The following ZNF892 variants were observed in gnomAD, a reference collection of about 807,000 sequenced individuals.
The protein encoded by ZNF892 is zinc finger protein 892, also known as zinc finger protein 570-like.
chr2:95,227,901 A>G, the ZNF892 span, among the ~76,000 whole-genome samples: 1 of 152,170 alleles, frequency 6.6e-6, no homozygotes, highest in Non-Finnish European at 1.5e-5. Flanking sequence ...TTCTATGAGC[A>G]AGTACATTCT....
At chr2:95,248,524 C>A in the ZNF892 span, among the ~76,000 whole-genome samples, 430 of 152,204 alleles carry the variant, frequency 2.8e-3, no homozygotes, top group African/African-American at 9.6e-3. Context: ...AAAAAGAACA[C>A]GAAGCACAAC....
the ZNF892 span, among the ~76,000 whole-genome samples, chr2:95,227,086 C>G: frequency 6.6e-6 from 1 of 151,396 alleles, no homozygotes; most frequent in Non-Finnish European, 1.5e-5. Context: ...GGACCTGAGG[C>G]TCCTCTCTCC....
At chr2:95,246,460 G>A in the ZNF892 span, among the ~76,000 whole-genome samples, 3 of 152,254 alleles carry the variant, frequency 2.0e-5, no homozygotes, top group African/African-American at 7.2e-5. Context: ...CACAAAACAA[G>A]GATGCTCTCT....
At chr2:95,255,382 A>ATG in the ZNF892 span, among the ~76,000 whole-genome samples, 2 of 152,008 alleles carry the variant, frequency 1.3e-5, no homozygotes, top group Non-Finnish European at 2.9e-5. Flanking sequence ...CATGTAGTTG[A>ATG]GCAGTTTTGA....
the ZNF892 span, among the ~76,000 whole-genome samples, chr2:95,218,941 A>G: frequency 6.6e-6 from 1 of 152,150 alleles, no homozygotes; most frequent in Non-Finnish European, 1.5e-5. Context: ...TCAACAATGA[A>G]TTGGGGTCGT....
At chr2:95,252,357 G>T in the ZNF892 span, among the ~76,000 whole-genome samples, 3 of 151,516 alleles carry the variant, frequency 2.0e-5, no homozygotes, top group Admixed American at 6.6e-5. Flanking sequence ...GTCCTTGTGA[G>T]AGTTTGCTGA....
chr2:95,215,082 C>G, the ZNF892 span: 33 of 500,102 alleles, frequency 6.6e-5, no homozygotes, highest in Non-Finnish European at 9.8e-5. Context: ...ATTCCTTACC[C>G]AGCATCAGGT....
chr2:95,243,162 C>T, the ZNF892 span, among the ~76,000 whole-genome samples: 1 of 152,144 alleles, frequency 6.6e-6, no homozygotes, highest in South Asian at 2.1e-4. Flanking sequence ...CTCAGTGGTG[C>T]CCAGGCTGGA....
the ZNF892 span, chr2:95,259,748 C>T: frequency 6.6e-6 from 1 of 152,270 alleles, no homozygotes; most frequent in African/African-American, 2.4e-5. Flanking sequence ...ATAGGCTAAA[C>T]CTGAGCCCTG....
the ZNF892 span, among the ~76,000 whole-genome samples, chr2:95,239,156 A>G: frequency 2.0e-5 from 3 of 151,384 alleles, no homozygotes; most frequent in Non-Finnish European, 4.4e-5. Flanking sequence ...AAAAAAAAAA[A>G]AAAAAAGTGG....
chr2:95,256,263 C>T, the ZNF892 span, among the ~76,000 whole-genome samples: 1 of 152,128 alleles, frequency 6.6e-6, no homozygotes, highest in South Asian at 2.1e-4. Flanking sequence ...TTAGGGCAGG[C>T]CTGGTGATGA....
chr2:95,252,507 C>G, the ZNF892 span, among the ~76,000 whole-genome samples: 11 of 152,162 alleles, frequency 7.2e-5, no homozygotes, highest in Admixed American at 3.3e-4. Flanking sequence ...TGGGTTGGTT[C>G]CAAGTCTTTG....
chr2:95,233,672 CA>C, the ZNF892 span, among the ~76,000 whole-genome samples: 73 of 35,168 alleles, frequency 2.1e-3, 1 homozygote, highest in East Asian at 0.012. Context: ...GACTCCATCT[CA>C]AAAAAAAAAA....
the ZNF892 span, chr2:95,211,625 T>C: frequency 2.5e-6 from 1 of 398,612 alleles, no homozygotes; most frequent in Non-Finnish European, 4.4e-6. Flanking sequence ...CAGGAATTGA[T>C]GATCAGGGAT....
the ZNF892 span, among the ~76,000 whole-genome samples, chr2:95,244,098 A>G: frequency 3.3e-4 from 50 of 150,980 alleles, 1 homozygote; most frequent in African/African-American, 1.1e-3. Context: ...TGAATGGATT[A>G]AGGGCGGTGC....
chr2:95,254,116 T>C, the ZNF892 span, among the ~76,000 whole-genome samples: 3 of 152,170 alleles, frequency 2.0e-5, no homozygotes, highest in Non-Finnish European at 4.4e-5. Flanking sequence ...TCCAACACTA[T>C]GTTGAATAGG....
At chr2:95,224,845 C>T in the ZNF892 span, among the ~76,000 whole-genome samples, 1 of 152,136 alleles carries the variant, frequency 6.6e-6, no homozygotes, top group African/African-American at 2.4e-5. Context: ...ATACTATTCT[C>T]GTGAGAGTGG....
chr2:95,254,560 T>C, the ZNF892 span, among the ~76,000 whole-genome samples: 1 of 152,332 alleles, frequency 6.6e-6, no homozygotes, highest in East Asian at 1.9e-4. Flanking sequence ...GTTGTGTCTC[T>C]GCCAGGCTTT....
chr2:95,244,339 T>TA, the ZNF892 span, among the ~76,000 whole-genome samples: 437 of 125,280 alleles, frequency 3.5e-3, 1 homozygote, highest in South Asian at 7.2e-3. Flanking sequence ...AATGATCAAT[T>TA]AAAAAAAAAA....
Sources: allele counts gnomAD v4.1 joint callset (sites outside exome capture counted in the v4.1 genomes callset), GRCh38; gene constraint gnomAD v4.1.1; transcripts MANE v1.5; gene names NCBI Gene and HGNC (gene_info 2026-07-23, HGNC 2026-07-21).